SLC60A1: variants seen among roughly 807,000 people sequenced by gnomAD.
The protein encoded by SLC60A1 is major facilitator superfamily domain containing 4.
At chr1:205,592,274 G>C in the SLC60A1 span, 32 of 1,613,592 alleles carry the variant, frequency 2.0e-5, no homozygotes, top group African/African-American at 3.1e-4. Flanking sequence ...CGGAGGACTC[G>C]CTGCAGTACA....
the SLC60A1 span, among the ~76,000 whole-genome samples, chr1:205,590,444 C>T: frequency 6.6e-6 from 1 of 152,198 alleles, no homozygotes; most frequent in Non-Finnish European, 1.5e-5. Flanking sequence ...GTGTTTCTCT[C>T]CTTCGGCCAC....
At chr1:205,600,627 T>C in the SLC60A1 span, 1 of 622,678 alleles carries the variant, frequency 1.6e-6, no homozygotes, top group Admixed American at 2.9e-5. Context: ...TCCTGGTACC[T>C]GGTCAAAATC....
At chr1:205,591,747 A>G in the SLC60A1 span, among the ~76,000 whole-genome samples, 2 of 152,274 alleles carry the variant, frequency 1.3e-5, no homozygotes, top group Non-Finnish European at 2.9e-5. Context: ...ACAAAGAAAC[A>G]GAGACTCTCC....
chr1:205,574,740 AG>A, the SLC60A1 span, among the ~76,000 whole-genome samples: 4 of 152,282 alleles, frequency 2.6e-5, no homozygotes, highest in South Asian at 8.3e-4. Context: ...AGGCGTGCAA[AG>A]AATTGAGGGA....
chr1:205,584,955 G>A, the SLC60A1 span: 48 of 1,613,970 alleles, frequency 3.0e-5, 1 homozygote, highest in African/African-American at 3.3e-4. Context: ...TCCACATCAC[G>A]GGCGCCCTGG....
At chr1:205,569,790 C>G in the SLC60A1 span, among the ~76,000 whole-genome samples, 2 of 151,746 alleles carry the variant, frequency 1.3e-5, no homozygotes, top group South Asian at 4.2e-4. Context: ...AGGTGGCCTG[C>G]GGCTTGACTG....
chr1:205,583,236 C>T, the SLC60A1 span, among the ~76,000 whole-genome samples: 4 of 152,170 alleles, frequency 2.6e-5, no homozygotes, highest in Non-Finnish European at 4.4e-5. Context: ...GAAGGAGTTC[C>T]GATTTAGCAT....
At chr1:205,577,026 C>A in the SLC60A1 span, among the ~76,000 whole-genome samples, 1 of 152,114 alleles carries the variant, frequency 6.6e-6, no homozygotes, top group African/African-American at 2.4e-5. This position sits in a 1 kb window ranked among gnomAD's most constrained non-coding sequence, Gnocchi z 5.2. Context: ...ACAAACCATA[C>A]CTCCAGTGGG....
chr1:205,576,257 T>C, the SLC60A1 span, among the ~76,000 whole-genome samples: 1 of 152,120 alleles, frequency 6.6e-6, no homozygotes, highest in Non-Finnish European at 1.5e-5. Flanking sequence ...GTCAGCTCAG[T>C]GCAGTTCTCT....
At chr1:205,593,337 GGCAGGCACCTGTAGTCCCA>G in the SLC60A1 span, among the ~76,000 whole-genome samples, 1 of 146,600 alleles carries the variant, frequency 6.8e-6, no homozygotes, top group East Asian at 2.0e-4. Context: ...CAGGCGTGGT[GGCAGGCACCTGTAGTCCCA>G]GCTACTCGGG....
chr1:205,586,284 G>A, the SLC60A1 span: 12 of 1,538,864 alleles, frequency 7.8e-6, no homozygotes, highest in South Asian at 3.4e-5. Flanking sequence ...ACCCCAGGAC[G>A]TTTGCCCAGG....
chr1:205,589,324 G>T, the SLC60A1 span, among the ~76,000 whole-genome samples: 1 of 152,128 alleles, frequency 6.6e-6, no homozygotes, highest in African/African-American at 2.4e-5. Flanking sequence ...AGGCTAACTT[G>T]GGGGGAGCAC....
chr1:205,597,677 C>T, the SLC60A1 span: 10 of 1,223,772 alleles, frequency 8.2e-6, no homozygotes, highest in East Asian at 2.4e-5. Flanking sequence ...ATGTGCCTTC[C>T]GAAATGCATA....
the SLC60A1 span, chr1:205,569,395 C>A: frequency 2.2e-6 from 2 of 895,646 alleles, no homozygotes; most frequent in South Asian, 4.8e-5. Context: ...CGGCCTCTCC[C>A]CCGGCCCCGT....
chr1:205,570,207 G>T, the SLC60A1 span, among the ~76,000 whole-genome samples: 2 of 152,180 alleles, frequency 1.3e-5, 1 homozygote, highest in East Asian at 3.9e-4. Context: ...GCTCCCTTGT[G>T]GAAAGACAGC....
the SLC60A1 span, among the ~76,000 whole-genome samples, chr1:205,593,453 CAAAAA>C: frequency 1.6e-4 from 13 of 83,518 alleles, no homozygotes; most frequent in Non-Finnish European, 2.0e-4. Context: ...GACTCTGTCT[CAAAAA>C]AAAAAAAAAA....
the SLC60A1 span, among the ~76,000 whole-genome samples, chr1:205,589,414 A>G: frequency 1.3e-5 from 2 of 152,168 alleles, no homozygotes; most frequent in Non-Finnish European, 2.9e-5. Flanking sequence ...AGGGTTTTGT[A>G]AGGTGGGCTT....
At chr1:205,582,360 T>G in the SLC60A1 span, among the ~76,000 whole-genome samples, 1 of 152,182 alleles carries the variant, frequency 6.6e-6, no homozygotes, top group Non-Finnish European at 1.5e-5. Context: ...AAATAAACAG[T>G]CCAGCACGGA....
At chr1:205,592,080 C>A in the SLC60A1 span, 25 of 1,600,500 alleles carry the variant, frequency 1.6e-5, no homozygotes, top group Non-Finnish European at 2.0e-5. Flanking sequence ...CCTGGCGGTT[C>A]CTCACCACCG....
Sources: allele counts gnomAD v4.1 joint callset (sites outside exome capture counted in the v4.1 genomes callset), GRCh38; gene constraint gnomAD v4.1.1; non-coding constraint Gnocchi (gnomAD v3.1); transcripts MANE v1.5; gene names NCBI Gene and HGNC (gene_info 2026-07-23, HGNC 2026-07-21).